NEBL: variants seen among roughly 807,000 people sequenced by gnomAD.
The protein encoded by NEBL is nebulette.
A neutral mutation model predicts 140.2 loss-of-function variants in NEBL; 122 were observed. The observed-to-expected ratio is 0.87, with a 90% confidence interval of 0.75 to 1.01. NEBL has a LOEUF of 1.01. Among genes scored for constraint, NEBL ranks in the 50% least tolerant of loss-of-function variants. The pLI is 0.00. For missense variants in NEBL, 1,365 were observed against 1,231.3 expected, an observed-to-expected ratio of 1.11 and a Z score of -1.62; for synonymous variants, 436 against 398.9, an observed-to-expected ratio of 1.09 and a Z score of -1.11.
chr10:20,972,981 T>A (rs2131641306), intron 3 of NEBL, among the ~76,000 whole-genome samples: 1 of 152,184 alleles, frequency 6.6e-6, no homozygotes, highest in Admixed American at 6.5e-5. Context: ...ATTCACGTCT[T>A]CCATAAGAAA....
At chr10:21,165,016 T>G (rs966192438) in intron 2 of NEBL, among the ~76,000 whole-genome samples, 2 of 152,232 alleles carry the variant, frequency 1.3e-5, no homozygotes, top group Non-Finnish European at 2.9e-5. Context: ...TTTAACAATG[T>G]GACCTTTTCT....
At chr10:21,198,452 G>T (rs572879681) in intron 3 of NEBL, among the ~76,000 whole-genome samples, 1 of 152,262 alleles carries the variant, frequency 6.6e-6, no homozygotes, top group Non-Finnish European at 1.5e-5. Flanking sequence ...GCTGAATAAA[G>T]TTTTGACACC....
At chr10:21,189,735 G>A (rs12354796) in intron 3 of NEBL, among the ~76,000 whole-genome samples, 23,594 of 152,098 alleles carry the variant, frequency 0.16, 1,962 homozygotes, top group African/African-American at 0.21. Context: ...CCAAAGTGCT[G>A]GAATTACAGG....
At chr10:21,027,596 C>T (rs918902781) in intron 2 of NEBL, among the ~76,000 whole-genome samples, 3 of 152,048 alleles carry the variant, frequency 2.0e-5, no homozygotes, top group African/African-American at 7.2e-5. Context: ...TTCCAAAGTG[C>T]TAGGATTACA....
chr10:21,202,461 C>CT (rs35623208), intron 3 of NEBL, among the ~76,000 whole-genome samples: 15,278 of 117,208 alleles, frequency 0.13, 1,220 homozygotes, highest in Non-Finnish European at 0.15. Flanking sequence ...TTTTCTTTTT[C>CT]TTTTTTTTTT....
At chr10:20,932,019 T>C (rs1420510115) in intron 4 of NEBL, among the ~76,000 whole-genome samples, 1 of 152,178 alleles carries the variant, frequency 6.6e-6, no homozygotes, top group African/African-American at 2.4e-5. Context: ...CTAGAAACAA[T>C]ATTCTAGGAG....
At chr10:20,944,057 A>G (rs571103893) in intron 4 of NEBL, among the ~76,000 whole-genome samples, 1 of 152,240 alleles carries the variant, frequency 6.6e-6, no homozygotes, top group African/African-American at 2.4e-5. Flanking sequence ...TTTCAGACAC[A>G]CAGTCAATAA....
At chr10:21,133,137 T>G (rs1839193526) in intron 2 of NEBL, among the ~76,000 whole-genome samples, 1 of 152,200 alleles carries the variant, frequency 6.6e-6, no homozygotes, top group Non-Finnish European at 1.5e-5. Flanking sequence ...TGAGTTAATT[T>G]TGTATGTGTG....
In NEBL at chr10:21,210,326, G is replaced by A. The variant is rs370172426; in HGVS notation, n.348+37595C>T. Among the ~76,000 whole-genome samples, 156 of 152,150 alleles carry A rather than the reference G, an allele frequency of 1.0e-3. 1 individual carries two copies. Among genetic ancestry groups the A allele is most frequent in the Admixed American group, 1.2e-3 (19 of 15,290 alleles). On this transcript the variant is annotated intron_variant and non_coding_transcript_variant, in intron 3 of 8. Coordinates refer to the NEBL transcript ENST00000675702. ...GGTGAATCACTTGAACCTGAGAGAC[G>A]GAAGTTGCAGTAAGCCGAGACTGCA...
intron 2 of NEBL, among the ~76,000 whole-genome samples, chr10:21,166,619 TG>T (rs1384961910): frequency 3.9e-5 from 6 of 152,190 alleles, no homozygotes; most frequent in Non-Finnish European, 5.9e-5. Flanking sequence ...CCTATCCTAG[TG>T]TTGTTTTGTT....
At chr10:21,029,761 C>A (rs1452269970) in intron 2 of NEBL, 6 of 775,618 alleles carry the variant, frequency 7.7e-6, no homozygotes, top group Non-Finnish European at 1.4e-5. Context: ...ATATGGCTGG[C>A]GGTAGGGATC....
At chr10:21,021,906 CAGA>C (rs562676121) in intron 2 of NEBL, among the ~76,000 whole-genome samples, 75 of 152,242 alleles carry the variant, frequency 4.9e-4, no homozygotes, top group African/African-American at 1.8e-3. Context: ...ATGGAGGGAG[CAGA>C]ACAACCACAC....
intron 3 of NEBL, among the ~76,000 whole-genome samples, chr10:20,988,437 A>T (rs181296844): frequency 3.9e-5 from 6 of 152,310 alleles, no homozygotes; most frequent in Non-Finnish European, 8.8e-5. Flanking sequence ...CACCAAAAAA[A>T]AATTGACCAA....
intron 3 of NEBL, among the ~76,000 whole-genome samples, chr10:21,230,619 T>G (rs1054268463): frequency 3.8e-4 from 58 of 151,912 alleles, no homozygotes; most frequent in Non-Finnish European, 7.7e-4. Flanking sequence ...TTTTTTTTTT[T>G]TTTGAGACAG....
intron 2 of NEBL, among the ~76,000 whole-genome samples, chr10:21,050,549 G>A (rs1197708382): frequency 1.3e-5 from 2 of 152,170 alleles, no homozygotes; most frequent in Non-Finnish European, 2.9e-5. Flanking sequence ...TGCAGTACGG[G>A]GAGAAGCATG....
At chr10:20,790,594 C>T (rs1233410956) in intron 26 of NEBL, among the ~76,000 whole-genome samples, 1 of 147,766 alleles carries the variant, frequency 6.8e-6, no homozygotes, top group South Asian at 2.1e-4. Context: ...GAGTGAAACT[C>T]TGTCTCAAAA....
At chr10:21,000,477 G>C (rs928492836) in intron 3 of NEBL, among the ~76,000 whole-genome samples, 1 of 152,144 alleles carries the variant, frequency 6.6e-6, no homozygotes, top group Non-Finnish European at 1.5e-5. Flanking sequence ...CAGGGTTGCA[G>C]AATGTTGACC....
At chr10:21,037,824 G>GACAA (rs35281592) in intron 2 of NEBL, among the ~76,000 whole-genome samples, 1 of 151,464 alleles carries the variant, frequency 6.6e-6, no homozygotes, top group Admixed American at 6.6e-5. Context: ...AGAGTAGAAA[G>GACAA]ATAGACAAAA....
chr10:20,984,660 T>C (rs1837183640), intron 3 of NEBL, among the ~76,000 whole-genome samples: 1 of 151,956 alleles, frequency 6.6e-6, no homozygotes, highest in Admixed American at 6.6e-5. Context: ...TCTGTGCACT[T>C]GGGCCCTGCA....
Sources: allele counts gnomAD v4.1 joint callset (sites outside exome capture counted in the v4.1 genomes callset), GRCh38; gene constraint gnomAD v4.1.1; transcripts MANE v1.5; gene names NCBI Gene and HGNC (gene_info 2026-07-23, HGNC 2026-07-21).